The following JAK3 variants were observed in gnomAD, a reference collection of about 807,000 sequenced individuals.
JAK3 encodes the protein Janus kinase 3.
A neutral mutation model predicts 120.8 loss-of-function variants in JAK3; 88 were observed. The ratio of observed to expected loss-of-function variants is 0.73; its 90% CI spans 0.61 to 0.87. The LOEUF is 0.87. Among genes scored for constraint, JAK3 ranks in the 40% least tolerant of loss-of-function variants. The pLI is 0.00. For missense variants in JAK3, 1,254 were observed against 1,501.4 expected (o/e 0.84, Z 2.72); for synonymous variants, 592 against 628.6 (o/e 0.94, Z 0.87).
rs2094239129 is a variant in JAK3, at chr19:17,841,625, G to A, written c.984+15C>T. The A allele has an allele frequency of 1.2e-6, 2 of 1,613,788 alleles. No homozygotes were observed. The highest frequency in any genetic ancestry group is 1.3e-5 in the African/African-American group (1 of 75,038). On this transcript the variant is annotated intron_variant, in intron 7 of 23. Coordinates refer to ENST00000458235, the MANE Select transcript of JAK3 (RefSeq NM_000215.4). This position sits in a 1 kb window ranked among gnomAD's most constrained non-coding sequence, Gnocchi z 4.1. ...CTCGGGGTAAGGCTGAAGGGGAGGG[G>A]AATCCTGCACCCACTAAAATCTGGT...
rs1316226882 is a variant in JAK3 at position 17,830,118 on chromosome 19, C to A, written c.3197G>T (p.Cys1066Phe). ...CCCTGCGGCGCTCACCTCAGCAGGGCAGGCAGGAGGCGCCGGCAGCCTCTG... is the reference window on the plus strand; with the variant it reads ...CCCTGCGGCGCTCACCTCAGCAGGGAAGGCAGGAGGCGCCGGCAGCCTCTG... ...EGQRLPAPPACPAEVHELMKL... is the reference protein window; with the variant it reads ...EGQRLPAPPAFPAEVHELMKL... The change falls in exon 23 of 24, where the codon TGC becomes TTC. Residue 1066 changes from cysteine (C) to phenylalanine (F), a missense_variant. Around this residue, in one of 3 missense-constraint regions of JAK3, gnomAD observed 630 missense variants for 819.8 expected, o/e 0.77. Coordinates refer to ENST00000458235, the MANE Select transcript of JAK3 (RefSeq NM_000215.4). The A allele has an allele frequency of 1.3e-6, 2 of 1,580,094 alleles. No individual in the cohort carries two copies. Among genetic ancestry groups the A allele is most frequent in the Admixed American group, 1.8e-5 (1 of 55,342 alleles).
Position 17,841,803 on chromosome 19 carries a change from A to T in JAK3, c.862-41T>A. The T allele has an allele frequency of 2.5e-6, 4 of 1,594,994 alleles. No homozygotes were observed. The highest frequency in any genetic ancestry group is 3.4e-6 in the Non-Finnish European group (4 of 1,178,588). ...AGTACCGAAGTGGGGGCCCAGCTGG[A>T]CCCCGCCAAACCACGCCCATGAACC... On this transcript the variant is annotated intron_variant, in intron 6 of 23. Transcript: ENST00000458235. The surrounding 1 kb of genome is among the most constrained non-coding windows in gnomAD (Gnocchi z 4.1).
At position 17,826,734 on chromosome 19, in the gene JAK3, G is replaced by T; in HGVS notation, c.*9C>A. 1 of 1,613,974 alleles carries T rather than the reference G, an allele frequency of 6.2e-7. No individual in the cohort carries two copies. Among genetic ancestry groups the T allele is most frequent in the Non-Finnish European group, 8.5e-7 (1 of 1,179,852 alleles). On this transcript the variant is annotated 3_prime_UTR_variant, in exon 24 of 24. Transcript: ENST00000458235. ...ACAGAGACCTAATCCAGAGGTCTGC[G>T]GGCAGGAGCTATGAAAAGGACAGGG... is the stretch of plus-strand genomic sequence containing the variant.
In JAK3 at chr19:17,843,295, C is replaced by A; in HGVS notation, c.420+85G>T. On this transcript the variant is annotated intron_variant, in intron 4 of 23. Transcript: ENST00000458235. This position sits in a 1 kb window ranked among gnomAD's most constrained non-coding sequence, Gnocchi z 5.4. Reference sequence around the variant, plus strand: ...CTGGACTGCCACAGGGAGGGTCAGACGAGGCCCCACCTGATTGCATGCCAG... The same window carrying A: ...CTGGACTGCCACAGGGAGGGTCAGAAGAGGCCCCACCTGATTGCATGCCAG... The A allele has an allele frequency of 6.6e-7, 1 of 1,524,180 alleles. No homozygotes were observed. The highest frequency in any genetic ancestry group is 1.2e-5 in the South Asian group (1 of 83,834). 94.4% of individuals were successfully genotyped at this position (1,524,180 alleles called of 1,614,324 possible).
rs1233485181 is a variant in JAK3, at chr19:17,837,081, T to A, written c.1786+48A>T. ...CAGAACAGAGGTGGGAAGAACAGCCTAGACTTGGGTGAGGCAGGGGTGGGG... is the reference window on the plus strand; with the variant it reads ...CAGAACAGAGGTGGGAAGAACAGCCAAGACTTGGGTGAGGCAGGGGTGGGG... On this transcript the variant is annotated intron_variant, in intron 13 of 23. Coordinates refer to ENST00000458235, the MANE Select transcript of JAK3 (RefSeq NM_000215.4). 3.7e-6 allele frequency: 4 copies of A among 1,093,418 alleles called. No individual in the cohort carries two copies. In the East Asian group the frequency reaches 2.3e-4, roughly 63 times the overall value. 67.7% of individuals were successfully genotyped at this position (1,093,418 alleles called of 1,614,324 possible). A position where few individuals can be genotyped will look rare whatever the true frequency, so the allele number is the denominator to read the frequency against.
intron 13 of JAK3, 110 bp from the exon 14 acceptor site, chr19:17,836,161 G>C: frequency 1.6e-6 from 2 of 1,273,878 alleles, no homozygotes; most frequent in South Asian, 1.2e-5. Context: ...ATCTCTGTCT[G>C]TTCCCTCCCC....
chr19:17,836,103 T>G, intron 13 of JAK3, 52 bp from the exon 14 acceptor site: 1 of 1,608,680 alleles, frequency 6.2e-7, no homozygotes, highest in South Asian at 1.1e-5. Flanking sequence ...GCACTTGTGT[T>G]GAGGAGGTTC....
rs1225195185 is a variant in JAK3 at position 17,842,027 on chromosome 19, C to A, written c.862-265G>T. On this transcript the variant is annotated intron_variant, in intron 6 of 23. Coordinates refer to ENST00000458235, the MANE Select transcript of JAK3 (RefSeq NM_000215.4). This position sits in a 1 kb window ranked among gnomAD's most constrained non-coding sequence, Gnocchi z 6.4. ...CCTGCCCCGCTTCGCAGCCTCCCAGCTCTCGGAGCCTCACTCTGCCTCTTA... is the reference window on the plus strand; with the variant it reads ...CCTGCCCCGCTTCGCAGCCTCCCAGATCTCGGAGCCTCACTCTGCCTCTTA... Among the ~76,000 whole-genome samples the A allele has an allele frequency of 1.3e-5, 2 of 151,870 alleles. No homozygotes were observed. Among genetic ancestry groups the A allele is most frequent in the Non-Finnish European group, 2.9e-5 (2 of 67,946 alleles).
chr19:17,828,697 T>G (rs190118365), intron 23 of JAK3, among the ~76,000 whole-genome samples: 1 of 152,174 alleles, frequency 6.6e-6, no homozygotes, highest in African/African-American at 2.4e-5. Context: ...CCTAGAATGT[T>G]CTTATCAGAT....
chr19:17,847,585 G>T (rs1947927000), intron 1 of JAK3, among the ~76,000 whole-genome samples: 1 of 152,124 alleles, frequency 6.6e-6, no homozygotes, highest in Non-Finnish European at 1.5e-5. Context: ...GTATGGTCGG[G>T]TACCCTGTGT....
rs537919766 is a variant in JAK3, at chr19:17,841,159, G to A, written c.1142+230C>T. ...CAAGAGGCTGTAGGTGAAGGTGGGC[G>A]ACTTGTCCATCTCCAGGAAATGGCC... is the stretch of plus-strand genomic sequence containing the variant. On this transcript the variant is annotated intron_variant, in intron 8 of 23. Transcript: ENST00000458235. The surrounding 1 kb of genome is among the most constrained non-coding windows in gnomAD (Gnocchi z 4.1). Among the ~76,000 whole-genome samples, 1 of 152,210 alleles carries A rather than the reference G, an allele frequency of 6.6e-6. No individual in the cohort carries two copies. The highest frequency in any genetic ancestry group is 1.9e-4 in the East Asian group (1 of 5,168).
Position 17,832,727 on chromosome 19 carries a change from G to C in JAK3, c.2491-19C>G. The stretch of plus-strand genomic sequence containing the variant: ...AGTTGCCCTGGGGGATAGCGGGACT[G>C]ATGTCCAGGCACCTGGATGCTGCCC... On this transcript the variant is annotated intron_variant, in intron 18 of 23. Transcript: ENST00000458235. The surrounding 1 kb of genome is among the most constrained non-coding windows in gnomAD (Gnocchi z 4.7). 1 of 1,614,242 alleles carries C rather than the reference G, an allele frequency of 6.2e-7. No individual in the cohort carries two copies. The highest frequency in any genetic ancestry group is 8.5e-7 in the Non-Finnish European group (1 of 1,180,042).
chr19:17,842,199 C>T lies in JAK3; in HGVS notation c.861+117G>A. The T allele has an allele frequency of 1.7e-6, 2 of 1,152,002 alleles. No homozygotes were observed. Among genetic ancestry groups the T allele is most frequent in the Non-Finnish European group, 2.4e-6 (2 of 841,368 alleles). 71.4% of individuals were successfully genotyped at this position (1,152,002 alleles called of 1,614,324 possible). A position where few individuals can be genotyped will look rare whatever the true frequency, so the allele number is the denominator to read the frequency against. On this transcript the variant is annotated intron_variant, in intron 6 of 23. Coordinates refer to ENST00000458235, the MANE Select transcript of JAK3 (RefSeq NM_000215.4). The surrounding 1 kb of genome is among the most constrained non-coding windows in gnomAD (Gnocchi z 6.4). ...CTAAGCCCCGCCCCTCATTAAGCCT[C>T]GCCCACTTCCCCAAGTCTTTCGTTT...
At position 17,839,587 on chromosome 19, in the gene JAK3, C is replaced by T; in HGVS notation, c.1331G>A (p.Ser444Asn). ...CTCTCGAAGACTGCTGTGGGGTCGG[C>T]TGAGGCCAACCAGAAGGAAGGTTCC... ...PTGTFLLVGL[S>N]RPHSSLRELL... Residue 444 changes from serine (S) to asparagine (N), a missense_variant, in exon 10 of 24, where the codon AGC (serine) becomes AAC (asparagine). Around this residue, in one of 3 missense-constraint regions of JAK3, gnomAD observed 486 missense variants for 503.0 expected, o/e 0.97. Coordinates refer to ENST00000458235, the MANE Select transcript of JAK3 (RefSeq NM_000215.4). The T allele has an allele frequency of 1.2e-6, 2 of 1,611,858 alleles. No homozygotes were observed. Among genetic ancestry groups the T allele is most frequent in the Non-Finnish European group, 8.5e-7 (1 of 1,179,272 alleles).
At position 17,843,567 on chromosome 19, in the gene JAK3, G is replaced by T; in HGVS notation, c.309-76C>A. On this transcript the variant is annotated intron_variant, in intron 3 of 23. Coordinates refer to ENST00000458235, the MANE Select transcript of JAK3 (RefSeq NM_000215.4). This position sits in a 1 kb window ranked among gnomAD's most constrained non-coding sequence, Gnocchi z 5.4. The stretch of plus-strand genomic sequence containing the variant: ...AGGAGTGACATTATGGTGGGGGCGA[G>T]GGACAGATTCTGCGGAGGCCTCACA... The T allele has an allele frequency of 8.1e-7, 1 of 1,240,146 alleles. No individual in the cohort carries two copies. The highest frequency in any genetic ancestry group is 1.2e-6 in the Non-Finnish European group (1 of 855,340). The allele number at this position is 1,240,146 out of a possible 1,614,324, so 76.8% of individuals were successfully genotyped here.
At position 17,843,205 on chromosome 19, in the gene JAK3, G is replaced by C; in HGVS notation, c.421-33C>G. On this transcript the variant is annotated intron_variant, in intron 4 of 23. Transcript: ENST00000458235. This position sits in a 1 kb window ranked among gnomAD's most constrained non-coding sequence, Gnocchi z 5.4. The stretch of plus-strand genomic sequence containing the variant: ...GCCGCCACAGGGAGCATCAGCTGAG[G>C]CCACCCAACTTCAAGCCCTGTTGTT... 6.3e-7 allele frequency: 1 copy of C among 1,591,714 alleles called. No homozygotes were observed. Among genetic ancestry groups the C allele is most frequent in the East Asian group, 2.3e-5 (1 of 44,128 alleles).
In JAK3 at chr19:17,832,856, G is replaced by C; in HGVS notation, c.2424C>G (p.Leu808=). Residue 808 remains leucine (L), a synonymous_variant, in exon 18 of 24, where the codon CTC becomes CTG. Coordinates refer to ENST00000458235, the MANE Select transcript of JAK3 (RefSeq NM_000215.4). The surrounding 1 kb of genome is among the most constrained non-coding windows in gnomAD (Gnocchi z 4.7). The stretch of plus-strand genomic sequence containing the variant: ...AGATCGTGGGGTCTTGGCAGGCATA[G>C]AGCTGGGCACCATTCCACAGCCCAT... The part of the protein sequence containing the change: ...PRDGLWNGAQ[L]YACQDPTIFE... 3 of 1,614,262 alleles carry C rather than the reference G, an allele frequency of 1.9e-6. No homozygotes were observed. Among genetic ancestry groups the C allele is most frequent in the Non-Finnish European group, 2.5e-6 (3 of 1,180,050 alleles).
intron 17 of JAK3, among the ~76,000 whole-genome samples, chr19:17,833,876 A>T (rs559132045): frequency 6.6e-6 from 1 of 152,002 alleles, no homozygotes; most frequent in African/African-American, 2.4e-5. Context: ...AAAATAAAAT[A>T]AAAATGCATA....
At position 17,841,331 on chromosome 19, in the gene JAK3, G is replaced by C; in HGVS notation, c.1142+58C>G. ...TGGAAGGTGAGGACACTGAGGCATA[G>C]AGAAGGGGAGGGGCCCTGAGTGGCC... On this transcript the variant is annotated intron_variant, in intron 8 of 23. Coordinates refer to ENST00000458235, the MANE Select transcript of JAK3 (RefSeq NM_000215.4). The surrounding 1 kb of genome is among the most constrained non-coding windows in gnomAD (Gnocchi z 4.1). 1 of 1,516,618 alleles carries C rather than the reference G, an allele frequency of 6.6e-7. No individual in the cohort carries two copies. Among genetic ancestry groups the C allele is most frequent in the Admixed American group, 2.0e-5 (1 of 50,732 alleles). 93.9% of individuals were successfully genotyped at this position (1,516,618 alleles called of 1,614,324 possible).
Sources: allele counts gnomAD v4.1 joint callset (sites outside exome capture counted in the v4.1 genomes callset), GRCh38; gene constraint gnomAD v4.1.1; regional missense constraint gnomAD v4.1.1; non-coding constraint Gnocchi (gnomAD v3.1); transcripts MANE v1.5; gene names NCBI Gene and HGNC (gene_info 2026-07-23, HGNC 2026-07-21).